Variants in ADAMTS12 observed in about 807,000 individuals in gnomAD.
ADAMTS12 encodes the protein ADAM metallopeptidase with thrombospondin type 1 motif 12, also known as A disintegrin and metalloproteinase with thrombospondin motifs 12.
In ADAMTS12, 118 loss-of-function variants were observed where a neutral mutation model predicts 167.8. The observed-to-expected ratio is 0.70, with a 90% CI of 0.61 to 0.82. ADAMTS12 has a LOEUF of 0.82. Among genes scored for constraint, ADAMTS12 ranks in the 40% least tolerant of loss-of-function variants. The probability of loss-of-function intolerance (pLI) is 0.00; values close to 1 mark genes in which losing one functional copy is unlikely to be tolerated. For missense variants in ADAMTS12, 1,916 were observed against 1,998.8 expected (o/e 0.96, Z 0.79); for synonymous variants, 704 against 716.9 (o/e 0.98, Z 0.29).
chr5:33,833,925 G>A (rs754331409), intron 2 of ADAMTS12, among the ~76,000 whole-genome samples: 5 of 152,210 alleles, frequency 3.3e-5, no homozygotes, highest in Non-Finnish European at 7.3e-5. Flanking sequence ...GTCATAGGAA[G>A]GTACCACAGA....
intron 19 of ADAMTS12, among the ~76,000 whole-genome samples, chr5:33,575,330 T>C (rs1160570007): frequency 6.6e-6 from 1 of 152,216 alleles, no homozygotes; most frequent in Non-Finnish European, 1.5e-5. Flanking sequence ...GAAATGTGAA[T>C]CAGGCCTTTT....
chr5:33,601,495 A>G (rs1014296404), intron 16 of ADAMTS12, among the ~76,000 whole-genome samples: 1 of 152,136 alleles, frequency 6.6e-6, no homozygotes, highest in Non-Finnish European at 1.5e-5. Context: ...GCACCTCATA[A>G]GATCAGGGTT....
chr5:33,723,694 C>CA (rs1743880008), intron 3 of ADAMTS12, among the ~76,000 whole-genome samples: 1 of 152,170 alleles, frequency 6.6e-6, no homozygotes, highest in African/African-American at 2.4e-5. Flanking sequence ...CAGCCCTGGG[C>CA]AAGCAGAGGT....
At chr5:33,572,028 C>T (rs908759412) in intron 19 of ADAMTS12, among the ~76,000 whole-genome samples, 3 of 152,146 alleles carry the variant, frequency 2.0e-5, no homozygotes, top group African/African-American at 7.2e-5. Flanking sequence ...GACACATACA[C>T]TCTCCCAAGA....
intron 2 of ADAMTS12, among the ~76,000 whole-genome samples, chr5:33,827,320 G>A (rs1748114855): frequency 6.6e-6 from 1 of 151,676 alleles, no homozygotes; most frequent in South Asian, 2.1e-4. Flanking sequence ...TGGTGTCACT[G>A]GTTTATCACT....
At chr5:33,535,028 C>T (rs1744311192) in intron 22 of ADAMTS12, 36 bp from the exon 23 acceptor site, 2 of 1,551,662 alleles carry the variant, frequency 1.3e-6, no homozygotes, top group Non-Finnish European at 1.7e-6. Context: ...CAGAAGTCCT[C>T]CCCACGACTC....
At chr5:33,782,019 T>C (rs1390575695) in intron 2 of ADAMTS12, among the ~76,000 whole-genome samples, 4 of 152,108 alleles carry the variant, frequency 2.6e-5, no homozygotes, top group Non-Finnish European at 2.9e-5. Flanking sequence ...TTCCTGTATC[T>C]ATACCTTAAC....
chr5:33,745,087 G>C (rs1388992854), intron 3 of ADAMTS12, among the ~76,000 whole-genome samples: 1 of 152,184 alleles, frequency 6.6e-6, no homozygotes, highest in Non-Finnish European at 1.5e-5. Flanking sequence ...CATAGCACTG[G>C]CATTGCAGGC....
intron 20 of ADAMTS12, among the ~76,000 whole-genome samples, chr5:33,551,545 C>G (rs1271673159): frequency 6.6e-6 from 1 of 152,100 alleles, no homozygotes; most frequent in Admixed American, 6.6e-5. Context: ...CAGGAAATAG[C>G]CCATAGTTAA....
chr5:33,577,282 A>G lies in ADAMTS12; in HGVS notation c.2866-122T>C, dbSNP rs145417373. The G allele has an allele frequency of 2.0e-4, 274 of 1,397,558 alleles. No individual in the cohort carries two copies. In the African/African-American group the frequency reaches 3.5e-3, roughly 18 times the overall value. 86.6% of individuals were successfully genotyped at this position (1,397,558 alleles called of 1,614,324 possible). On this transcript the variant is annotated intron_variant, in intron 18 of 23. Coordinates refer to ENST00000504830, the MANE Select transcript of ADAMTS12 (RefSeq NM_030955.4). ...AACTATGCAGCTAAAATTGTCTGCT[A>G]TCTACATTTGGTTTCTGTGCTCTTT... is the stretch of plus-strand genomic sequence containing the variant.
At chr5:33,704,774 A>G (rs1743128813) in intron 3 of ADAMTS12, among the ~76,000 whole-genome samples, 1 of 152,082 alleles carries the variant, frequency 6.6e-6, no homozygotes, top group African/African-American at 2.4e-5. Context: ...ATTTTCTCTC[A>G]TTCCATCAAA....
At chr5:33,618,533 C>A (rs1025947691) in intron 14 of ADAMTS12, among the ~76,000 whole-genome samples, 1 of 152,182 alleles carries the variant, frequency 6.6e-6, no homozygotes, top group Non-Finnish European at 1.5e-5. Flanking sequence ...GTAATCAGAA[C>A]CCTTCTGTTA....
chr5:33,708,731 G>A (rs1463184043), intron 3 of ADAMTS12, among the ~76,000 whole-genome samples: 1 of 152,144 alleles, frequency 6.6e-6, no homozygotes, highest in African/African-American at 2.4e-5. Flanking sequence ...TCACTTATAA[G>A]TGGGAGTTGA....
intron 22 of ADAMTS12, among the ~76,000 whole-genome samples, chr5:33,536,737 C>G (rs928600772): frequency 6.6e-6 from 1 of 152,162 alleles, no homozygotes; most frequent in Non-Finnish European, 1.5e-5. Flanking sequence ...CAAGTCCACC[C>G]CCGATAGACT....
chr5:33,856,632 A>G lies in ADAMTS12; in HGVS notation c.489+24487T>C, dbSNP rs148273435. Among the ~76,000 whole-genome samples, 223 of 152,190 alleles carry G rather than the reference A, an allele frequency of 1.5e-3. 2 individuals carry two copies. The highest frequency in any genetic ancestry group is 5.2e-3 in the African/African-American group (214 of 41,496). On this transcript the variant is annotated intron_variant, in intron 2 of 23. Coordinates refer to ENST00000504830, the MANE Select transcript of ADAMTS12 (RefSeq NM_030955.4). ...TCTCAAAAAAAAAAAGCATACAAGT[A>G]GCAAATACGTATATGAAAAGGTGGA...
At chr5:33,551,172 C>G (rs575541800) in intron 20 of ADAMTS12, among the ~76,000 whole-genome samples, 1 of 152,130 alleles carries the variant, frequency 6.6e-6, no homozygotes, top group South Asian at 2.1e-4. Flanking sequence ...AAATTCCTCA[C>G]GACTTTTCAG....
chr5:33,762,665 G>C (rs953617843), intron 2 of ADAMTS12, among the ~76,000 whole-genome samples: 1 of 152,158 alleles, frequency 6.6e-6, no homozygotes. Context: ...TGGCCAAAGT[G>C]AAAGATTTGC....
chr5:33,884,911 G>C (rs1750583674), intron 1 of ADAMTS12, among the ~76,000 whole-genome samples: 1 of 152,120 alleles, frequency 6.6e-6, no homozygotes, highest in African/African-American at 2.4e-5. Context: ...CCAAAAGCCA[G>C]ACTGACTGAT....
At chr5:33,636,423 C>T (rs1740196035) in intron 12 of ADAMTS12, among the ~76,000 whole-genome samples, 3 of 152,152 alleles carry the variant, frequency 2.0e-5, no homozygotes, top group Admixed American at 2.0e-4. Context: ...AAATGCCTGA[C>T]TCAGGAAACT....
Sources: gnomAD v4.1 joint callset for allele counts (sites outside exome capture counted in the v4.1 genomes callset) on GRCh38, gnomAD v4.1.1 for gene constraint, MANE v1.5 for transcripts, NCBI Gene and HGNC (gene_info 2026-07-23, HGNC 2026-07-21) for gene names.